Variants in P4HA2 observed in about 807,000 individuals in gnomAD.
P4HA2 encodes prolyl 4-hydroxylase subunit alpha 2.
A neutral mutation model predicts 76.9 loss-of-function variants in P4HA2; 46 were observed. That is an observed-to-expected ratio of 0.60 (90% CI 0.47 to 0.76). The LOEUF (loss-of-function observed/expected upper bound fraction) is 0.76. Ranked by LOEUF, P4HA2 falls within the 30% of genes least tolerant of loss-of-function variation. The pLI is 0.00. For missense variants in P4HA2, 583 were observed against 669.4 expected (o/e 0.87, Z 1.42); for synonymous variants, 243 against 254.0 (o/e 0.96, Z 0.41).
chr5:132,204,043 TG>T, intron 9 of P4HA2, 38 bp downstream of exon 9: 1 of 1,553,344 alleles, frequency 6.4e-7, no homozygotes, highest in Non-Finnish European at 8.9e-7. Flanking sequence ...GTCCTGAAGT[TG>T]GGGCTTGAGC....
At chr5:132,209,815 G>A (rs901942467) in intron 6 of P4HA2, among the ~76,000 whole-genome samples, 1 of 150,034 alleles carries the variant, frequency 6.7e-6, no homozygotes. Flanking sequence ...AAGGCACAGT[G>A]CTTTTGGCCT....
chr5:132,203,643 T>G (rs1196016184), intron 10 of P4HA2, 105 bp downstream of exon 10: 32 of 714,474 alleles, frequency 4.5e-5, no homozygotes, highest in Non-Finnish European at 8.2e-5. Flanking sequence ...CATCAGGCAG[T>G]AGTCATACAG....
At chr5:132,202,604 C>T (rs1751667471) in intron 10 of P4HA2, 2 of 152,212 alleles carry the variant, frequency 1.3e-5, no homozygotes, top group African/African-American at 4.8e-5. Flanking sequence ...CAACAGAACA[C>T]AGAAGTTCCA....
chr5:132,206,000 A>AAG, intron 8 of P4HA2, among the ~76,000 whole-genome samples: 1 of 152,198 alleles, frequency 6.6e-6, no homozygotes, highest in Non-Finnish European at 1.5e-5. Flanking sequence ...CCAGAATAGC[A>AAG]TCTGTCCCTC....
chr5:132,203,682 C>T, intron 10 of P4HA2, 66 bp downstream of exon 10: 2 of 989,932 alleles, frequency 2.0e-6, no homozygotes, highest in Admixed American at 3.8e-5. Context: ...TTCTGGACAC[C>T]CTGTGAGACC....
intron 5 of P4HA2, among the ~76,000 whole-genome samples, chr5:132,211,462 A>G (rs113770697): frequency 0.015 from 2,315 of 152,328 alleles, 76 homozygotes; most frequent in African/African-American, 0.053. Flanking sequence ...AAAAGAACTC[A>G]GAGAAGGCTC....
Position 132,210,414 on chromosome 5 carries a change from T to C in P4HA2, c.579A>G (p.Leu193=). ...CCTCCTCCCCGGCATCAAGCTGCTTTAGCACCTGCTCCATCCACAACACCG... is the reference window on the plus strand; with the variant it reads ...CCTCCTCCCCGGCATCAAGCTGCTTCAGCACCTGCTCCATCCACAACACCG... ...YHTVLWMEQV[L]KQLDAGEEAT... The change falls in exon 6 of 15, where the codon CTA becomes CTG. Residue 193 remains leucine, a synonymous_variant. Coordinates refer to ENST00000360568, the MANE Select transcript of P4HA2 (RefSeq NM_001017974.2). The C allele has an allele frequency of 6.2e-7, 1 of 1,614,132 alleles. No individual in the cohort carries two copies. The highest frequency in any genetic ancestry group is 8.5e-7 in the Non-Finnish European group (1 of 1,180,012).
Position 132,209,204 on chromosome 5 carries a change from C to T in P4HA2, c.837G>A (p.Arg279=), listed in dbSNP as rs1332694540. Residue 279 remains arginine (R), a synonymous_variant, in exon 7 of 15, where the codon AGG becomes AGA. Transcript: ENST00000360568. ...ELATPEGIYE[R]PVDYLPERDV... is the part of the protein sequence containing the mutation. ...CCCTCTCAGGCAGGTAGTCCACAGG[C>T]CTCTCATAGATGCCTTCTGGGGTTG... is the stretch of plus-strand genomic sequence containing the variant. The T allele has an allele frequency of 6.2e-7, 1 of 1,613,936 alleles. No individual in the cohort carries two copies. The highest frequency in any genetic ancestry group is 8.5e-7 in the Non-Finnish European group (1 of 1,179,968).
intron 1 of P4HA2, among the ~76,000 whole-genome samples, chr5:132,225,297 T>C (rs190701509): frequency 8.4e-4 from 128 of 152,312 alleles, no homozygotes; most frequent in African/African-American, 3.0e-3. Flanking sequence ...ATCTGCATAA[T>C]AGTAAACTCT....
At chr5:132,226,831 T>A (rs1755467628) in intron 1 of P4HA2, 1 of 152,450 alleles carries the variant, frequency 6.6e-6, no homozygotes, top group Admixed American at 6.5e-5. Flanking sequence ...GTAGACAGCG[T>A]CCGTGGACAG....
intron 10 of P4HA2, 25 bp from the exon 11 acceptor site, chr5:132,198,957 C>A: frequency 6.4e-7 from 1 of 1,551,044 alleles, no homozygotes; most frequent in East Asian, 2.2e-5. Flanking sequence ...AGCATTAGAC[C>A]TTGTAAGCAG....
chr5:132,192,535 T>C lies in P4HA2; in HGVS notation c.*475A>G, dbSNP rs750167829. On this transcript the variant is annotated 3_prime_UTR_variant, in exon 15 of 15. Coordinates refer to ENST00000360568, the MANE Select transcript of P4HA2 (RefSeq NM_001017974.2). ...AAGCATTCATTATCCAGACTCTGCC[T>C]GCATGAAGGTGATGCATAGGAAATG... The C allele has an allele frequency of 6.5e-6, 1 of 153,228 alleles. No individual in the cohort carries two copies. Among genetic ancestry groups the C allele is most frequent in the Non-Finnish European group, 1.5e-5 (1 of 68,342 alleles). 9.5% of individuals were successfully genotyped at this position (153,228 alleles called of 1,614,324 possible). A position where few individuals can be genotyped will look rare whatever the true frequency, so the allele number is the denominator to read the frequency against.
rs1008162813 is a variant in P4HA2 at position 132,217,977 on chromosome 5, T to C, written c.83-129A>G. On this transcript the variant is annotated intron_variant, in intron 2 of 14. Transcript: ENST00000360568. The stretch of plus-strand genomic sequence containing the variant: ...AAGAACATGTCAGCTCTCTGAGGAT[T>C]ATGGGGACTTGGAGTTAAAGGGGGC... 6 of 595,046 alleles carry C rather than the reference T, an allele frequency of 1.0e-5. No homozygotes were observed. In the African/African-American group the frequency reaches 1.1e-4, roughly 11 times the overall value. 36.9% of individuals were successfully genotyped at this position (595,046 alleles called of 1,614,324 possible).
At chr5:132,195,846 T>C in intron 12 of P4HA2, 1 of 295,010 alleles carries the variant, frequency 3.4e-6, no homozygotes, top group East Asian at 7.8e-5. Context: ...CTCTGCAAAG[T>C]GCCCTGACCA....
At chr5:132,201,707 C>T (rs1212399896) in intron 10 of P4HA2, 2 of 152,200 alleles carry the variant, frequency 1.3e-5, no homozygotes, top group Admixed American at 1.3e-4. Flanking sequence ...GGCATTCGGG[C>T]CCCAGACAAT....
chr5:132,199,708 A>G (rs747190663), intron 10 of P4HA2: 5 of 152,360 alleles, frequency 3.3e-5, no homozygotes, highest in Non-Finnish European at 7.3e-5. Flanking sequence ...AGAATCTGAC[A>G]TGGAAGCTGA....
At chr5:132,215,370 A>G (rs1452149571) in intron 4 of P4HA2, among the ~76,000 whole-genome samples, 1 of 152,196 alleles carries the variant, frequency 6.6e-6, no homozygotes, top group Non-Finnish European at 1.5e-5. Flanking sequence ...GTGGGAGTGT[A>G]GGGTGTGGAG....
intron 12 of P4HA2, 189 bp from the exon 13 acceptor site, chr5:132,195,669 A>G (rs1346626161): frequency 1.6e-6 from 1 of 621,032 alleles, no homozygotes; most frequent in Non-Finnish European, 2.9e-6. Context: ...AGTGTGATTC[A>G]TTAGAACAGT....
intron 8 of P4HA2, among the ~76,000 whole-genome samples, chr5:132,204,590 T>G (rs145197760): frequency 3.9e-5 from 6 of 152,258 alleles, no homozygotes; most frequent in Admixed American, 6.5e-5. Context: ...CTTCTCTCAA[T>G]TGAGTCAAGT....
Sources: allele counts gnomAD v4.1 joint callset (sites outside exome capture counted in the v4.1 genomes callset), GRCh38; gene constraint gnomAD v4.1.1; transcripts MANE v1.5; gene names NCBI Gene and HGNC (gene_info 2026-07-23, HGNC 2026-07-21).